MPP4: variants seen among roughly 807,000 people sequenced by gnomAD.
The protein encoded by MPP4 is MAGUK p55 subfamily member 4.
MPP4 carries 91 observed loss-of-function variants against 98.3 expected under a neutral mutation model. The observed-to-expected ratio is 0.93, with a 90% CI of 0.78 to 1.10. The LOEUF is 1.10. Among genes scored for constraint, MPP4 ranks in the 50% least tolerant of loss-of-function variants. The pLI, the probability that MPP4 is intolerant of heterozygous loss-of-function variation, is 0.00. For missense variants in MPP4, 744 were observed against 792.9 expected, an observed-to-expected ratio of 0.94 and a Z score of 0.74; for synonymous variants, 261 against 271.8, an observed-to-expected ratio of 0.96 and a Z score of 0.39.
chr2:201,686,097 A>C, intron 5 of MPP4, 47 bp from the exon 6 acceptor site: 1 of 1,599,224 alleles, frequency 6.3e-7, no homozygotes, highest in Non-Finnish European at 8.5e-7. Context: ...ACATGGGCCA[A>C]ACCCCTCTAG....
chr2:201,647,697 C>T lies in MPP4; in HGVS notation c.1713G>A (p.Lys571=), dbSNP rs1330850333. The part of the protein sequence containing the change: ...KVITDYYVDM[K]FKDEDLQEME... ...GTTTTTGACTTGCTCTTACCTTGAA[C>T]TTCATGTCCACATAGTAGTCAGTAA... Residue 571 remains lysine (K), a synonymous_variant, in exon 21 of 22, where the codon AAG becomes AAA. Transcript: ENST00000409474. 6.2e-7 allele frequency: 1 copy of T among 1,613,356 alleles called. No homozygotes were observed. Among genetic ancestry groups the T allele is most frequent in the East Asian group, 2.2e-5 (1 of 44,858 alleles).
intron 10 of MPP4, among the ~76,000 whole-genome samples, chr2:201,679,167 C>T (rs1329106292): frequency 6.6e-6 from 1 of 152,086 alleles, no homozygotes; most frequent in African/African-American, 2.4e-5. Context: ...CAATCCTCAC[C>T]TGCTTCATTT....
At chr2:201,652,867 T>C (rs536035412) in intron 18 of MPP4, among the ~76,000 whole-genome samples, 1 of 152,196 alleles carries the variant, frequency 6.6e-6, no homozygotes, top group Admixed American at 6.5e-5. Flanking sequence ...AGGTTCTGGT[T>C]TGGCAAATAC....
At chr2:201,669,807 T>G in intron 11 of MPP4, 57 bp from the exon 12 acceptor site, 1 of 1,256,090 alleles carries the variant, frequency 8.0e-7, no homozygotes, top group Non-Finnish European at 1.0e-6. Flanking sequence ...GTATCTGTAC[T>G]ATATTTTCTC....
intron 11 of MPP4, 45 bp from the exon 12 acceptor site, chr2:201,669,795 C>T (rs1688290411): frequency 7.5e-7 from 1 of 1,337,760 alleles, no homozygotes; most frequent in Non-Finnish European, 9.8e-7. Flanking sequence ...AAAAAGAACA[C>T]AGTATCTGTA....
intron 3 of MPP4, among the ~76,000 whole-genome samples, chr2:201,691,523 A>G (rs544937510): frequency 1.3e-5 from 2 of 152,184 alleles, no homozygotes; most frequent in Admixed American, 1.3e-4. Flanking sequence ...ATTCTATTTT[A>G]TTTATTTATT....
intron 3 of MPP4, 32 bp downstream of exon 3, chr2:201,692,875 CA>C: frequency 1.3e-6 from 2 of 1,598,322 alleles, no homozygotes; most frequent in Non-Finnish European, 1.7e-6. Context: ...ACCCCTTCAG[CA>C]AGCAAAGGCT....
rs1226021109 is a variant in MPP4 at position 201,645,222 on chromosome 2, A to G, written c.1902T>C (p.Thr634=). The G allele has an allele frequency of 6.2e-7, 1 of 1,612,352 alleles. No homozygotes were observed. The highest frequency in any genetic ancestry group is 1.1e-5 in the South Asian group (1 of 90,738). ...WVPATWISSD[T]ESQ ...TAAACAAGAAGTCTCATTGAGACTC[A>G]GTATCTGAGGAAATCCATGTTGCTG... is the stretch of plus-strand genomic sequence containing the variant. Residue 634 remains threonine, a synonymous_variant, in exon 22 of 22, where the codon ACT becomes ACC. Coordinates refer to ENST00000409474, the MANE Select transcript of MPP4 (RefSeq NM_033066.3).
At position 201,645,865 on chromosome 2, in the gene MPP4, T is replaced by C. The variant is rs151126629; in HGVS notation, c.1720-461A>G. Among the ~76,000 whole-genome samples, 856 of 152,314 alleles carry C rather than the reference T, an allele frequency of 5.6e-3. 8 individuals are homozygous for C. Among genetic ancestry groups the C allele is most frequent in the Non-Finnish European group, 9.5e-3 (645 of 68,024 alleles). ...ATTATAACAGGTATAAACATATCCT[T>C]CTAAATTAATGTGAAGCATAAGCAA... is the stretch of plus-strand genomic sequence containing the variant. On this transcript the variant is annotated intron_variant, in intron 21 of 21. Coordinates refer to ENST00000409474, the MANE Select transcript of MPP4 (RefSeq NM_033066.3).
chr2:201,647,807 T>A lies in MPP4; in HGVS notation c.1603A>T (p.Thr535Ser), dbSNP rs775762268. Reference sequence around the variant, plus strand: ...ATGACATAGGGCTTCAGTTCATGGGTTCGAACCCCTTGAATATCCTACACA... The same window carrying A: ...ATGACATAGGGCTTCAGTTCATGGGATCGAACCCCTTGAATATCCTACACA... ...LEPQDIQGVR[T>S]HELKPYVIFI... is the part of the protein sequence containing the mutation. The change falls in exon 21 of 22, where the codon ACC (threonine) becomes TCC (serine). Residue 535 changes from threonine (T) to serine (S), a missense_variant. Coordinates refer to ENST00000409474, the MANE Select transcript of MPP4 (RefSeq NM_033066.3). The A allele has an allele frequency of 1.2e-6, 2 of 1,612,910 alleles. No individual in the cohort carries two copies. Among genetic ancestry groups the A allele is most frequent in the African/African-American group, 2.7e-5 (2 of 74,916 alleles).
At chr2:201,649,229 T>C (rs918434700) in intron 20 of MPP4, among the ~76,000 whole-genome samples, 4 of 152,202 alleles carry the variant, frequency 2.6e-5, no homozygotes, top group African/African-American at 7.2e-5. Context: ...GCCACAGATA[T>C]GACAACATAG....
At chr2:201,672,065 T>A (rs1315088077) in intron 11 of MPP4, among the ~76,000 whole-genome samples, 1 of 152,016 alleles carries the variant, frequency 6.6e-6, no homozygotes, top group African/African-American at 2.4e-5. Flanking sequence ...CACAGTGCAA[T>A]CAAATTAGAA....
intron 16 of MPP4, 96 bp from the exon 17 acceptor site, chr2:201,656,464 G>C: frequency 8.2e-7 from 1 of 1,224,238 alleles, no homozygotes; most frequent in Non-Finnish European, 1.1e-6. Context: ...TGATCCTAAA[G>C]TGTTCATTAA....
intron 16 of MPP4, among the ~76,000 whole-genome samples, chr2:201,657,590 G>GTTTTTTTTGTTTTTTTT (rs1687884945): frequency 1.6e-4 from 15 of 91,118 alleles, no homozygotes; most frequent in Non-Finnish European, 2.5e-4. Flanking sequence ...CCTGGCCCTT[G>GTTTTTTTTGTTTTTTTT]TTTTTTTTTT....
chr2:201,657,381 C>G (rs1369339790), intron 16 of MPP4, among the ~76,000 whole-genome samples: 1 of 152,106 alleles, frequency 6.6e-6, no homozygotes, highest in African/African-American at 2.4e-5. Flanking sequence ...AGAGCTGTTT[C>G]CAGGTGCTCT....
chr2:201,655,050 T>A (rs1015452448), intron 17 of MPP4, 133 bp from the exon 18 acceptor site: 2 of 595,574 alleles, frequency 3.4e-6, no homozygotes, highest in African/African-American at 1.9e-5. Context: ...GTAACTTCCT[T>A]TCTCATAAAT....
Position 201,656,303 on chromosome 2 carries a change from C to A in MPP4, c.1195G>T (p.Val399Leu), listed in dbSNP as rs1351723521. Residue 399 changes from valine to leucine, a missense_variant, in exon 17 of 22, where the codon GTG becomes TTG. Coordinates refer to ENST00000409474, the MANE Select transcript of MPP4 (RefSeq NM_033066.3). ...CTGTAGCAGCTGCCGGTGCAGCACA[C>A]ACTGGCATGCAGCGGGCTGAGGTGA... Reference protein sequence around the residue: ...KSHLSPLHASVCCTGSCYSAV... With the variant: ...KSHLSPLHASLCCTGSCYSAV... 1 of 1,571,646 alleles carries A rather than the reference C, an allele frequency of 6.4e-7. No individual in the cohort carries two copies. Among genetic ancestry groups the A allele is most frequent in the South Asian group, 1.2e-5 (1 of 85,418 alleles).
chr2:201,658,686 A>G (rs979471321), intron 15 of MPP4, among the ~76,000 whole-genome samples, 168 bp from the exon 16 acceptor site: 5 of 152,146 alleles, frequency 3.3e-5, no homozygotes, highest in African/African-American at 1.2e-4. Context: ...TTTTCATCCT[A>G]TTATTCACAC....
At chr2:201,691,169 C>T (rs939608396) in intron 3 of MPP4, among the ~76,000 whole-genome samples, 5 of 152,150 alleles carry the variant, frequency 3.3e-5, no homozygotes, top group African/African-American at 1.2e-4. Flanking sequence ...AATTAAAACT[C>T]CTATCTTAGC....
Sources: gnomAD v4.1 joint callset for allele counts (sites outside exome capture counted in the v4.1 genomes callset) on GRCh38, gnomAD v4.1.1 for gene constraint, MANE v1.5 for transcripts, NCBI Gene and HGNC (gene_info 2026-07-23, HGNC 2026-07-21) for gene names.